TENM4: variants seen among roughly 807,000 people sequenced by gnomAD.
The protein encoded by TENM4 is teneurin transmembrane protein 4.
TENM4 carries 82 observed loss-of-function variants against 243.3 expected under a neutral mutation model. The ratio of observed to expected loss-of-function variants is 0.34; its 90% CI spans 0.28 to 0.40. The LOEUF (loss-of-function observed/expected upper bound fraction) is 0.40, where lower values mean the gene tolerates loss of function less well. TENM4 is among the 10% of genes least tolerant of loss of function. The pLI, the probability that TENM4 is intolerant of heterozygous loss-of-function variation, is 1.00. For missense variants in TENM4, 3,138 were observed against 3,673.3 expected (o/e 0.85, Z 3.77); for synonymous variants, 1,412 against 1,456.3 (o/e 0.97, Z 0.69).
chr11:78,983,868 C>T (rs916183186), intron 6 of TENM4, among the ~76,000 whole-genome samples: 2 of 152,234 alleles, frequency 1.3e-5, no homozygotes, highest in African/African-American at 2.4e-5. Flanking sequence ...CTGGGTCTCA[C>T]TTTCTTTGTG....
chr11:79,119,316 T>G (rs1861688893), intron 4 of TENM4, among the ~76,000 whole-genome samples: 1 of 151,552 alleles, frequency 6.6e-6, no homozygotes, highest in Non-Finnish European at 1.5e-5. Flanking sequence ...TGTCTGGGTA[T>G]TTCTGGTGAG....
chr11:79,383,838 C>G (rs1018379468), intron 1 of TENM4, among the ~76,000 whole-genome samples: 2 of 152,230 alleles, frequency 1.3e-5, no homozygotes, highest in Non-Finnish European at 2.9e-5. Flanking sequence ...CAAACCTGCC[C>G]TGCTTTCTGT....
chr11:79,032,867 C>T (rs1046275558), intron 6 of TENM4, among the ~76,000 whole-genome samples: 12 of 152,128 alleles, frequency 7.9e-5, no homozygotes, highest in Admixed American at 7.9e-4. Flanking sequence ...ATTCCTCAGG[C>T]CCCTGAGAAT....
At chr11:78,803,442 A>T (rs1857324527) in intron 15 of TENM4, among the ~76,000 whole-genome samples, 1 of 152,232 alleles carries the variant, frequency 6.6e-6, no homozygotes, top group Non-Finnish European at 1.5e-5. Flanking sequence ...ATTAGTAAGT[A>T]GCAGGGCCAA....
chr11:79,098,768 A>G (rs956291768), intron 4 of TENM4, among the ~76,000 whole-genome samples: 21 of 152,232 alleles, frequency 1.4e-4, no homozygotes, highest in African/African-American at 4.8e-4. Context: ...GTCCTACCTC[A>G]TAGCCATCAA....
At chr11:79,267,419 C>A (rs1479918925) in intron 2 of TENM4, among the ~76,000 whole-genome samples, 3 of 152,134 alleles carry the variant, frequency 2.0e-5, no homozygotes, top group African/African-American at 7.2e-5. Context: ...CTGTTCAGCC[C>A]ATAGTTCTAA....
At chr11:79,439,149 G>T (rs1859342736) in intron 1 of TENM4, 1 of 147,000 alleles carries the variant, frequency 6.8e-6, no homozygotes, top group Non-Finnish European at 1.5e-5. Flanking sequence ...CCCGGCGATT[G>T]GAATCCCGAG....
intron 1 of TENM4, among the ~76,000 whole-genome samples, chr11:79,348,629 A>G (rs1857367876): frequency 6.6e-6 from 1 of 152,246 alleles, no homozygotes; most frequent in Non-Finnish European, 1.5e-5. Flanking sequence ...TGGTTTCATA[A>G]GAAGAGGAAG....
rs74443266 is a variant in TENM4, at chr11:78,763,604, G to A, written c.2540-6583C>T. On this transcript the variant is annotated intron_variant, in intron 18 of 33. Coordinates refer to ENST00000278550, the MANE Select transcript of TENM4 (RefSeq NM_001098816.3). The stretch of plus-strand genomic sequence containing the variant: ...TCCCTCTTTGATGCCTGCCTTGCAG[G>A]TAGTTGTCAAATGACCCGGAGAACG... 9.7e-3 allele frequency among the ~76,000 whole-genome samples: 1,479 copies of A among 152,334 alleles called. 11 individuals carry two copies. Among genetic ancestry groups the A allele is most frequent in the Middle Eastern group, 0.017 (5 of 294 alleles).
intron 12 of TENM4, among the ~76,000 whole-genome samples, chr11:78,827,365 C>T (rs1239650271): frequency 6.6e-6 from 1 of 152,150 alleles, no homozygotes; most frequent in Non-Finnish European, 1.5e-5. Context: ...CCTGAACCCA[C>T]ACTCCCTTTT....
intron 2 of TENM4, among the ~76,000 whole-genome samples, chr11:79,258,938 G>T (rs561889320): frequency 1.3e-5 from 2 of 151,654 alleles, no homozygotes; most frequent in Non-Finnish European, 2.9e-5. Context: ...TCCAGTCCTG[G>T]CCCCCCCCAC....
intron 1 of TENM4, among the ~76,000 whole-genome samples, chr11:79,433,591 G>GGATT (rs368645782): frequency 2.0e-5 from 3 of 152,140 alleles, no homozygotes; most frequent in African/African-American, 4.8e-5. Flanking sequence ...ATGTTCTTAA[G>GGATT]GATTTTAATG....
At chr11:79,269,225 A>G (rs1005512260) in intron 2 of TENM4, among the ~76,000 whole-genome samples, 46 of 152,382 alleles carry the variant, frequency 3.0e-4, no homozygotes, top group African/African-American at 9.9e-4. Context: ...CAAAATTCTT[A>G]GTTAAAAACT....
chr11:78,806,295 C>A (rs1233337749), intron 14 of TENM4, among the ~76,000 whole-genome samples: 1 of 151,928 alleles, frequency 6.6e-6, no homozygotes, highest in Non-Finnish European at 1.5e-5. Flanking sequence ...AAGACTCTGT[C>A]TCTAAAAAAC....
At chr11:79,241,124 CT>C (rs34382953) in intron 2 of TENM4, among the ~76,000 whole-genome samples, 24,806 of 149,018 alleles carry the variant, frequency 0.17, 2,143 homozygotes, top group East Asian at 0.33. Context: ...ATAAAGCACT[CT>C]TTTTTTTTTC....
At chr11:79,071,154 G>T (rs1860404989) in intron 4 of TENM4, among the ~76,000 whole-genome samples, 1 of 152,176 alleles carries the variant, frequency 6.6e-6, no homozygotes, top group Non-Finnish European at 1.5e-5. Flanking sequence ...GAGCTCTGGG[G>T]TAGCAAACAC....
rs928980541 is a variant in TENM4, at chr11:79,438,681, C to T, written c.-321+1828G>A. Reference sequence around the variant, plus strand: ...AGGGCGGAAAAGAGGGGCTTTGGGGCTCCCCAGGACACCAAGTCAGTTTCT... The same window carrying T: ...AGGGCGGAAAAGAGGGGCTTTGGGGTTCCCCAGGACACCAAGTCAGTTTCT... On this transcript the variant is annotated intron_variant, in intron 1 of 33. Coordinates refer to ENST00000278550, the MANE Select transcript of TENM4 (RefSeq NM_001098816.3). This position sits in a 1 kb window ranked among gnomAD's most constrained non-coding sequence, Gnocchi z 4.1. Among the ~76,000 whole-genome samples the T allele has an allele frequency of 1.6e-4, 24 of 152,158 alleles. No homozygotes were observed. The highest frequency in any genetic ancestry group is 5.8e-4 in the African/African-American group (24 of 41,430).
chr11:78,728,395 G>T (rs1855572947), intron 22 of TENM4, among the ~76,000 whole-genome samples: 1 of 152,090 alleles, frequency 6.6e-6, no homozygotes, highest in East Asian at 1.9e-4. Flanking sequence ...ATGTACAGGG[G>T]CACACATTGC....
At chr11:79,430,520 G>A (rs1426538347) in intron 1 of TENM4, among the ~76,000 whole-genome samples, 1 of 152,212 alleles carries the variant, frequency 6.6e-6, no homozygotes, top group African/African-American at 2.4e-5. Flanking sequence ...AATCTCAAGA[G>A]AGTGGCACAA....
Sources: allele counts gnomAD v4.1 joint callset (sites outside exome capture counted in the v4.1 genomes callset), GRCh38; gene constraint gnomAD v4.1.1; non-coding constraint Gnocchi (gnomAD v3.1); transcripts MANE v1.5; gene names NCBI Gene and HGNC (gene_info 2026-07-23, HGNC 2026-07-21).